Variants in RALGPS1 observed in about 807,000 individuals in gnomAD.
RALGPS1 encodes the protein ras-specific guanine nucleotide-releasing factor RalGPS1.
In RALGPS1, 19 loss-of-function variants were observed where a neutral mutation model predicts 78.8. That is an observed-to-expected ratio of 0.24 (90% confidence interval 0.17 to 0.35). The LOEUF (loss-of-function observed/expected upper bound fraction) is 0.35. Ranked by LOEUF, RALGPS1 falls within the 10% of genes least tolerant of loss-of-function variation. RALGPS1 has a pLI of 1.00. For synonymous variants in RALGPS1, 228 were observed against 256.3 expected (o/e 0.89, Z 1.06); for missense variants, 454 against 688.3 (o/e 0.66, Z 3.81).
chr9:127,202,854 AG>A (rs1262471477), intron 14 of RALGPS1, among the ~76,000 whole-genome samples: 10 of 152,038 alleles, frequency 6.6e-5, no homozygotes, highest in Admixed American at 2.6e-4. Flanking sequence ...CGAGGAGAGA[AG>A]GGGGGCCCCC....
intron 1 of RALGPS1, among the ~76,000 whole-genome samples, chr9:126,955,650 G>C (rs2038271069): frequency 1.3e-5 from 2 of 152,046 alleles, no homozygotes; most frequent in South Asian, 4.2e-4. Context: ...ATAATTTTTT[G>C]GTATAATTTT....
At chr9:126,991,181 C>A (rs889400914) in intron 4 of RALGPS1, among the ~76,000 whole-genome samples, 1 of 152,156 alleles carries the variant, frequency 6.6e-6, no homozygotes, top group Non-Finnish European at 1.5e-5. Flanking sequence ...AGTTTCTTGT[C>A]ACAGTGGAAA....
intron 1 of RALGPS1, among the ~76,000 whole-genome samples, chr9:126,935,065 C>T (rs2036135628): frequency 1.3e-5 from 2 of 152,218 alleles, no homozygotes; most frequent in Non-Finnish European, 2.9e-5. Context: ...ATTCTGCCCA[C>T]CTCATTTGGC....
In RALGPS1 at chr9:127,088,889, C is replaced by T. The variant is rs768536442; in HGVS notation, c.610+19533C>T. On this transcript the variant is annotated intron_variant, in intron 8 of 18. Coordinates refer to ENST00000259351, the MANE Select transcript of RALGPS1 (RefSeq NM_014636.3). Reference sequence around the variant, plus strand: ...TTCTTTGTGCTGTGGCCAGCGTGACCAGGGTGGGCTCCTGGCAATGGCCAC... The same window carrying T: ...TTCTTTGTGCTGTGGCCAGCGTGACTAGGGTGGGCTCCTGGCAATGGCCAC... 13 of 1,607,948 alleles carry T rather than the reference C, an allele frequency of 8.1e-6. No individual in the cohort carries two copies. In the African/African-American group the frequency reaches 1.7e-4, roughly 21 times the overall value.
intron 4 of RALGPS1, among the ~76,000 whole-genome samples, chr9:126,986,094 G>T (rs1282549456): frequency 6.6e-6 from 1 of 152,236 alleles, no homozygotes; most frequent in Non-Finnish European, 1.5e-5. Context: ...GTTGATAACT[G>T]AGGGTGGAGC....
At position 127,036,939 on chromosome 9, in the gene RALGPS1, G is replaced by A. The variant is rs549726507; in HGVS notation, c.300+2425G>A. ...TATGTGTGGACATTTATGGGTCTGC[G>A]GACAATAGACTGAGAAGCTGTGTCT... On this transcript the variant is annotated intron_variant, in intron 5 of 18. Coordinates refer to ENST00000259351, the MANE Select transcript of RALGPS1 (RefSeq NM_014636.3). Among the ~76,000 whole-genome samples the A allele has an allele frequency of 7.2e-5, 11 of 152,274 alleles. No homozygotes were observed. The East Asian group carries it at 1.2e-3, about 16-fold the overall frequency.
At chr9:127,008,028 CT>C (rs2044003347) in intron 4 of RALGPS1, among the ~76,000 whole-genome samples, 1 of 151,626 alleles carries the variant, frequency 6.6e-6, no homozygotes, top group Non-Finnish European at 1.5e-5. Flanking sequence ...GCAGGAATGT[CT>C]AGGTGCTGTT....
At chr9:127,209,561 G>T (rs1331833350) in intron 14 of RALGPS1, among the ~76,000 whole-genome samples, 1 of 152,158 alleles carries the variant, frequency 6.6e-6, no homozygotes, top group Admixed American at 6.5e-5. Flanking sequence ...AGGACTGGGG[G>T]TCCAAGCACA....
At chr9:127,186,874 C>G (rs1369289351) in intron 11 of RALGPS1, among the ~76,000 whole-genome samples, 1 of 152,148 alleles carries the variant, frequency 6.6e-6, no homozygotes, top group Admixed American at 6.5e-5. Flanking sequence ...AGGCCTAGTC[C>G]TGGAGGGAGA....
intron 8 of RALGPS1, among the ~76,000 whole-genome samples, chr9:127,121,691 C>T (rs898923978): frequency 1.3e-5 from 2 of 152,244 alleles, no homozygotes; most frequent in Non-Finnish European, 2.9e-5. Flanking sequence ...TGGCCACATC[C>T]ACTCAGTTGG....
At chr9:126,961,403 G>A (rs2132109279) in intron 1 of RALGPS1, among the ~76,000 whole-genome samples, 1 of 152,308 alleles carries the variant, frequency 6.6e-6, no homozygotes, top group East Asian at 1.9e-4. Flanking sequence ...ATGGCATATG[G>A]TACTATATGG....
At chr9:126,973,935 C>T (rs888661913) in intron 3 of RALGPS1, among the ~76,000 whole-genome samples, 2 of 152,110 alleles carry the variant, frequency 1.3e-5, no homozygotes, top group East Asian at 1.9e-4. Context: ...TGCAGTGGTG[C>T]GATTTCGGCT....
rs1423967887 is a variant in RALGPS1 at position 127,211,603 on chromosome 9, G to A, written c.1248-528G>A. Among the ~76,000 whole-genome samples, 2 of 152,100 alleles carry A rather than the reference G, an allele frequency of 1.3e-5. No individual in the cohort carries two copies. The highest frequency in any genetic ancestry group is 2.4e-5 in the African/African-American group (1 of 41,406). ...TTGGACGCCTTCATCTGTAGGTGGT[G>A]CTTGAGTCCCCAAGGGAGAGGGTGA... On this transcript the variant is annotated intron_variant, in intron 14 of 18. Transcript: ENST00000259351. This position sits in a 1 kb window ranked among gnomAD's most constrained non-coding sequence, Gnocchi z 5.0.
At chr9:126,918,670 T>C (rs1414822629) in intron 1 of RALGPS1, among the ~76,000 whole-genome samples, 2 of 144,940 alleles carry the variant, frequency 1.4e-5, no homozygotes, top group Non-Finnish European at 1.5e-5. Context: ...AAATCACACA[T>C]GGATTTTTTT....
intron 7 of RALGPS1, among the ~76,000 whole-genome samples, chr9:127,066,288 G>T (rs1350929632): frequency 3.3e-5 from 5 of 152,206 alleles, no homozygotes; most frequent in Admixed American, 1.3e-4. Flanking sequence ...GGGGTTCTAG[G>T]TTGTATTAAT....
intron 8 of RALGPS1, among the ~76,000 whole-genome samples, chr9:127,118,813 CA>C (rs2055730060): frequency 1.3e-5 from 2 of 152,340 alleles, no homozygotes; most frequent in South Asian, 4.1e-4. Flanking sequence ...GGCTGTGATT[CA>C]GAGAGGCCAG....
intron 1 of RALGPS1, among the ~76,000 whole-genome samples, chr9:126,940,563 C>G (rs11790018): frequency 0.29 from 44,196 of 151,476 alleles, 8,319 homozygotes; most frequent in Non-Finnish European, 0.39. Context: ...CCTCAGCCTC[C>G]TGAGTAGCCG....
At chr9:127,166,984 T>G (rs945859266) in intron 9 of RALGPS1, among the ~76,000 whole-genome samples, 2 of 140,198 alleles carry the variant, frequency 1.4e-5, no homozygotes, top group African/African-American at 5.4e-5. Flanking sequence ...TTAGCACTGA[T>G]GAGCAGGCGG....
chr9:127,154,359 C>T (rs1221064698), intron 8 of RALGPS1, among the ~76,000 whole-genome samples: 1 of 152,224 alleles, frequency 6.6e-6, no homozygotes, highest in East Asian at 1.9e-4. Flanking sequence ...GAGCCCCTGC[C>T]CACTGAAAGC....
Sources: allele counts gnomAD v4.1 joint callset (sites outside exome capture counted in the v4.1 genomes callset), GRCh38; gene constraint gnomAD v4.1.1; non-coding constraint Gnocchi (gnomAD v3.1); transcripts MANE v1.5; gene names NCBI Gene and HGNC (gene_info 2026-07-23, HGNC 2026-07-21).